FRYL: variants seen among roughly 807,000 people sequenced by gnomAD.
FRYL encodes the protein FRY like transcription coactivator.
Under a neutral mutation model 351.2 loss-of-function variants are expected in FRYL, and 150 were observed. The ratio of observed to expected loss-of-function variants is 0.43; its 90% CI spans 0.37 to 0.49. The LOEUF (loss-of-function observed/expected upper bound fraction) is 0.49, where lower values mean the gene tolerates loss of function less well. Among genes scored for constraint, FRYL ranks in the 20% least tolerant of loss-of-function variants. FRYL has a pLI of 0.00. For synonymous variants in FRYL, 1,153 were observed against 1,257.1 expected (o/e 0.92, Z 1.75); for missense variants, 3,036 against 3,619.3 (o/e 0.84, Z 4.13).
At chr4:48,774,932 G>A (rs1238434893) in intron 1 of FRYL, among the ~76,000 whole-genome samples, 1 of 152,164 alleles carries the variant, frequency 6.6e-6, no homozygotes, top group South Asian at 2.1e-4. Flanking sequence ...GAGCTTAAAA[G>A]AATGTATTAC....
rs201374946 is a variant in FRYL, at chr4:48,570,819, A to G, written c.2996+8T>C. The G allele has an allele frequency of 1.2e-3, 1,944 of 1,593,076 alleles. No homozygotes were observed. Among genetic ancestry groups the G allele is most frequent in the Non-Finnish European group, 1.6e-3 (1,868 of 1,160,822 alleles). On this transcript the variant is annotated splice_region_variant and intron_variant, in intron 27 of 63. Coordinates refer to ENST00000358350, the MANE Select transcript of FRYL (RefSeq NM_015030.2). ...CCAGAGTTTTAACAATGTGAATCCA[A>G]TACTGACCTGTGACTAATGACACCA...
At chr4:48,655,864 C>T (rs1299452300) in intron 3 of FRYL, among the ~76,000 whole-genome samples, 1 of 140,802 alleles carries the variant, frequency 7.1e-6, no homozygotes, top group African/African-American at 2.6e-5. Flanking sequence ...TATATACATA[C>T]ATATATACAC....
At chr4:48,620,133 G>C (rs1234664284) in intron 6 of FRYL, among the ~76,000 whole-genome samples, 1 of 152,162 alleles carries the variant, frequency 6.6e-6, no homozygotes, top group African/African-American at 2.4e-5. Context: ...ACAATCACCT[G>C]AACACACGTG....
chr4:48,570,630 G>A (rs1295427464), intron 27 of FRYL, among the ~76,000 whole-genome samples, 197 bp downstream of exon 27: 3 of 152,210 alleles, frequency 2.0e-5, no homozygotes, highest in African/African-American at 7.2e-5. Context: ...AATTCTGGTA[G>A]TAGATTTTTC....
At chr4:48,666,531 C>T (rs1213092101) in intron 3 of FRYL, among the ~76,000 whole-genome samples, 2 of 152,006 alleles carry the variant, frequency 1.3e-5, no homozygotes, top group Non-Finnish European at 2.9e-5. Context: ...AATCAAAATG[C>T]ACTGTATTCA....
chr4:48,506,614 TAATATATATATATATATATA>T lies in FRYL; in HGVS notation c.8395-1019_8395-1000del, dbSNP rs1427829721. On this transcript the variant is annotated intron_variant, in intron 59 of 63. Coordinates refer to ENST00000358350, the MANE Select transcript of FRYL (RefSeq NM_015030.2). Reference sequence around the variant, plus strand: ...AAATTATACTATTAAACAATACAACTAATATATATATATATATATATATATATATATATATATATATATAT... The same window carrying T: ...AAATTATACTATTAAACAATACAACTTATATATATATATATATATATATAT... 5.9e-3 allele frequency: 458 copies of T among 77,998 alleles called. 1 individual carries two copies. Among genetic ancestry groups the T allele is most frequent in the South Asian group, 0.016 (32 of 1,964 alleles). 4.8% of individuals were successfully genotyped at this position (77,998 alleles called of 1,614,324 possible). A position where few individuals can be genotyped will look rare whatever the true frequency, so the allele number is the denominator to read the frequency against.
intron 36 of FRYL, among the ~76,000 whole-genome samples, 161 bp downstream of exon 36, chr4:48,553,054 T>C (rs561491117): frequency 1.3e-3 from 198 of 152,326 alleles, no homozygotes; most frequent in Non-Finnish European, 2.3e-3. Context: ...TCTCTTTCAA[T>C]ACTGAGGAAG....
At chr4:48,523,800 T>C (rs1725393827) in intron 53 of FRYL, among the ~76,000 whole-genome samples, 1 of 152,236 alleles carries the variant, frequency 6.6e-6, no homozygotes, top group African/African-American at 2.4e-5. Context: ...ATGCAAAAAC[T>C]GACTTTAAAT....
rs1719033758 is a variant in FRYL, at chr4:48,499,310, A to G, written c.*112T>C. 1.3e-5 allele frequency: 12 copies of G among 904,486 alleles called. No homozygotes were observed. The South Asian group carries it at 2.0e-4, about 15-fold the overall frequency. The allele number at this position is 904,486 out of a possible 1,614,324, so 56.0% of individuals were successfully genotyped here. On this transcript the variant is annotated 3_prime_UTR_variant, in exon 64 of 64. Transcript: ENST00000358350. The stretch of plus-strand genomic sequence containing the variant: ...TACAGTTTGACATTAGTTACACTAA[A>G]AAGTAGATGCTGCCAGAAAGTTATC...
rs1236680491 is a variant in FRYL, at chr4:48,547,414, A to C, written c.5074+170T>G. ...ATGCAGACTCAAATATTTTAAATTTAATCCCTTCTTTTATTAGCAAATAAT... is the reference window on the plus strand; with the variant it reads ...ATGCAGACTCAAATATTTTAAATTTCATCCCTTCTTTTATTAGCAAATAAT... On this transcript the variant is annotated intron_variant, in intron 41 of 63. Coordinates refer to ENST00000358350, the MANE Select transcript of FRYL (RefSeq NM_015030.2). 1.7e-5 allele frequency: 7 copies of C among 423,550 alleles called. No individual in the cohort carries two copies. In the East Asian group the frequency reaches 2.4e-4, roughly 15 times the overall value. The allele number at this position is 423,550 out of a possible 1,614,324, so 26.2% of individuals were successfully genotyped here. A position where few individuals can be genotyped will look rare whatever the true frequency, so the allele number is the denominator to read the frequency against.
At chr4:48,500,251 C>A in intron 62 of FRYL, 31 bp from the exon 63 acceptor site, 2 of 1,407,018 alleles carry the variant, frequency 1.4e-6, no homozygotes, top group Non-Finnish European at 9.6e-7. Context: ...AGGATCTATT[C>A]GTATGTTTGG....
In FRYL at chr4:48,599,704, C is replaced by T. The variant is rs190794639; in HGVS notation, c.1035+2316G>A. 9.2e-5 allele frequency among the ~76,000 whole-genome samples: 14 copies of T among 152,252 alleles called. No individual in the cohort carries two copies. In the East Asian group the frequency reaches 1.7e-3, roughly 19 times the overall value. On this transcript the variant is annotated intron_variant, in intron 13 of 63. Transcript: ENST00000358350. ...CAAATCCATGCTGGCTCCCGAAACA[C>T]GGGTTACTTGTTTATCTTCTTTCAG... is the stretch of plus-strand genomic sequence containing the variant.
intron 1 of FRYL, among the ~76,000 whole-genome samples, chr4:48,738,170 T>C: frequency 6.6e-6 from 1 of 152,224 alleles, no homozygotes. Context: ...AAACTGTGTT[T>C]GTTCACAGAT....
chr4:48,755,848 T>C (rs904363357), intron 1 of FRYL, among the ~76,000 whole-genome samples: 5 of 152,014 alleles, frequency 3.3e-5, no homozygotes, highest in African/African-American at 9.7e-5. Context: ...TACTTGAGAC[T>C]ATCAAGACAA....
At chr4:48,707,676 T>C (rs1207837534) in intron 2 of FRYL, among the ~76,000 whole-genome samples, 2 of 151,986 alleles carry the variant, frequency 1.3e-5, no homozygotes, top group Non-Finnish European at 2.9e-5. Flanking sequence ...TTCCAGGTAA[T>C]AATGAGGTCT....
rs1403889528 is a variant in FRYL, at chr4:48,780,189, C to G, written c.-495G>C. 1 of 152,690 alleles carries G rather than the reference C, an allele frequency of 6.5e-6. No homozygotes were observed. 9.5% of individuals were successfully genotyped at this position (152,690 alleles called of 1,614,324 possible). On this transcript the variant is annotated 5_prime_UTR_variant, in exon 1 of 64. Coordinates refer to ENST00000358350, the MANE Select transcript of FRYL (RefSeq NM_015030.2). ...GGCGCGTCCCCTTTAAGGAATAATC[C>G]GATCGGAACCGATCTGTGGTTAAAC...
chr4:48,564,498 T>A (rs1172614233), intron 30 of FRYL, among the ~76,000 whole-genome samples: 1 of 152,204 alleles, frequency 6.6e-6, no homozygotes, highest in Non-Finnish European at 1.5e-5. Flanking sequence ...AGTCCTATTT[T>A]AAATTGTGAA....
At position 48,609,020 on chromosome 4, in the gene FRYL, T is replaced by A. The variant is rs1189173403; in HGVS notation, c.539A>T (p.Tyr180Phe). ...TGNVHIIADL[Y>F]AEVIGVLAQS... ...GGCAAGAACCCCTATCACCTCTGCA[T>A]ATAAATCAGCAATAATATGCACATT... Residue 180 changes from tyrosine to phenylalanine, a missense_variant, in exon 9 of 64, where the codon TAT becomes TTT. Transcript: ENST00000358350. 7 of 1,610,390 alleles carry A rather than the reference T, an allele frequency of 4.3e-6. No individual in the cohort carries two copies. The highest frequency in any genetic ancestry group is 4.5e-5 in the East Asian group (2 of 44,764).
At chr4:48,675,207 G>A (rs925726676) in intron 3 of FRYL, among the ~76,000 whole-genome samples, 3 of 152,154 alleles carry the variant, frequency 2.0e-5, no homozygotes, top group African/African-American at 2.4e-5. Flanking sequence ...GCTTGCTCTC[G>A]GCACCTCCTC....
Sources: gnomAD v4.1 joint callset for allele counts (sites outside exome capture counted in the v4.1 genomes callset) on GRCh38, gnomAD v4.1.1 for gene constraint, MANE v1.5 for transcripts, NCBI Gene and HGNC (gene_info 2026-07-23, HGNC 2026-07-21) for gene names.